GABRG3: variants seen among roughly 807,000 people sequenced by gnomAD.
GABRG3 encodes the protein gamma-aminobutyric acid receptor subunit gamma-3.
GABRG3 carries 25 observed loss-of-function variants against 48.8 expected under a neutral mutation model. The observed-to-expected ratio is 0.51, with a 90% confidence interval of 0.37 to 0.72. The LOEUF is 0.72. GABRG3 is among the 30% of genes least tolerant of loss of function. The probability of loss-of-function intolerance (pLI) is 0.00; values close to 1 mark genes in which losing one functional copy is unlikely to be tolerated. For synonymous variants in GABRG3, 227 were observed against 217.6 expected, an observed-to-expected ratio of 1.04 and a Z score of -0.38; for missense variants, 394 against 577.9, an observed-to-expected ratio of 0.68 and a Z score of 3.26.
At chr15:27,233,125 G>C (rs1889851050) in intron 3 of GABRG3, among the ~76,000 whole-genome samples, 1 of 152,108 alleles carries the variant, frequency 6.6e-6, no homozygotes, top group Non-Finnish European at 1.5e-5. Context: ...CCAGAGGCTT[G>C]GTCATGTGAG....
chr15:27,424,051 C>T (rs1470556111), intron 5 of GABRG3, among the ~76,000 whole-genome samples: 1 of 151,938 alleles, frequency 6.6e-6, no homozygotes, highest in African/African-American at 2.4e-5. Context: ...TTAACTTTGC[C>T]CAAAGAAAGG....
chr15:26,987,210 A>C (rs991195457), intron 2 of GABRG3, among the ~76,000 whole-genome samples: 20 of 151,602 alleles, frequency 1.3e-4, no homozygotes, highest in African/African-American at 4.6e-4. Context: ...GTGAGCCGAG[A>C]TCACACCATA....
chr15:27,314,160 G>C (rs533921010), intron 3 of GABRG3, among the ~76,000 whole-genome samples: 1 of 152,130 alleles, frequency 6.6e-6, no homozygotes, highest in South Asian at 2.1e-4. Context: ...GCACAACAAA[G>C]GAAATGATCA....
intron 3 of GABRG3, among the ~76,000 whole-genome samples, chr15:27,216,711 A>G (rs1595591665): frequency 6.8e-6 from 1 of 147,526 alleles, no homozygotes; most frequent in Admixed American, 6.7e-5. Context: ...TAAACTTGCC[A>G]TTACTTCTGA....
At chr15:27,515,857 T>C (rs985781844) in intron 6 of GABRG3, among the ~76,000 whole-genome samples, 2 of 152,328 alleles carry the variant, frequency 1.3e-5, no homozygotes, top group Non-Finnish European at 2.9e-5. Flanking sequence ...TTAAATGGGA[T>C]GATAAATTCA....
At chr15:27,182,772 G>A (rs1887972647) in intron 3 of GABRG3, among the ~76,000 whole-genome samples, 1 of 152,154 alleles carries the variant, frequency 6.6e-6, no homozygotes, top group Non-Finnish European at 1.5e-5. Flanking sequence ...GAATTGAAAG[G>A]GCTTCTGCTC....
At chr15:27,087,077 C>T (rs760711004) in intron 3 of GABRG3, among the ~76,000 whole-genome samples, 12 of 152,342 alleles carry the variant, frequency 7.9e-5, no homozygotes, top group Admixed American at 4.6e-4. Context: ...GGCCAGCCCC[C>T]GTGCTTGGCT....
intron 3 of GABRG3, among the ~76,000 whole-genome samples, chr15:27,113,535 C>T (rs1595532234): frequency 6.6e-6 from 1 of 152,234 alleles, no homozygotes; most frequent in East Asian, 1.9e-4. Context: ...TCAGGGCTTT[C>T]ATGCCTATAG....
intron 5 of GABRG3, among the ~76,000 whole-genome samples, chr15:27,354,092 C>T (rs912973446): frequency 6.6e-6 from 1 of 152,148 alleles, no homozygotes; most frequent in African/African-American, 2.4e-5. Context: ...AGGCCTGTAC[C>T]GACTAAGAAG....
intron 3 of GABRG3, among the ~76,000 whole-genome samples, chr15:27,172,983 C>G (rs1202720149): frequency 6.6e-6 from 1 of 152,134 alleles, no homozygotes; most frequent in Admixed American, 6.5e-5. Flanking sequence ...AGGCCGCCAG[C>G]AGCAATTTGT....
At chr15:27,456,605 G>A (rs972114932) in intron 5 of GABRG3, among the ~76,000 whole-genome samples, 5 of 152,146 alleles carry the variant, frequency 3.3e-5, no homozygotes, top group Admixed American at 1.3e-4. Context: ...CCCCTCCCAC[G>A]GACAAAGGAA....
intron 5 of GABRG3, among the ~76,000 whole-genome samples, chr15:27,438,442 A>C (rs1462591795): frequency 6.6e-6 from 1 of 152,236 alleles, no homozygotes; most frequent in Non-Finnish European, 1.5e-5. Context: ...TCTAATGGTA[A>C]TACATAGGCT....
intron 3 of GABRG3, among the ~76,000 whole-genome samples, chr15:27,107,037 T>C (rs1320207113): frequency 6.6e-6 from 1 of 152,064 alleles, no homozygotes; most frequent in African/African-American, 2.4e-5. Context: ...TAGCTAGGCT[T>C]TCCAGTAAGA....
intron 6 of GABRG3, among the ~76,000 whole-genome samples, chr15:27,489,757 G>T (rs1242179862): frequency 6.6e-6 from 1 of 152,132 alleles, no homozygotes; most frequent in East Asian, 1.9e-4. Flanking sequence ...GTTCTTTGTA[G>T]ATTCTGGATA....
At chr15:27,223,543 C>CAA (rs11416611) in intron 3 of GABRG3, among the ~76,000 whole-genome samples, 12 of 151,578 alleles carry the variant, frequency 7.9e-5, no homozygotes, top group South Asian at 4.2e-4. Flanking sequence ...AAAGGCATTA[C>CAA]AAAAAAAATG....
At chr15:27,304,765 G>C (rs1892336543) in intron 3 of GABRG3, among the ~76,000 whole-genome samples, 1 of 151,878 alleles carries the variant, frequency 6.6e-6, no homozygotes, top group African/African-American at 2.4e-5. Flanking sequence ...GATATCCAAA[G>C]TACTATTTGC....
chr15:27,421,491 G>A (rs775610556), intron 5 of GABRG3, among the ~76,000 whole-genome samples: 9 of 152,092 alleles, frequency 5.9e-5, no homozygotes, highest in Non-Finnish European at 1.3e-4. Flanking sequence ...GTCCATGGGA[G>A]TGGGCTATAA....
At position 26,971,576 on chromosome 15, in the gene GABRG3, G is replaced by T. The variant is rs1413430878; in HGVS notation, c.41G>T (p.Gly14Val). The T allele has an allele frequency of 6.5e-7, 1 of 1,529,528 alleles. No individual in the cohort carries two copies. The allele number at this position is 1,529,528 out of a possible 1,614,324, so 94.7% of individuals were successfully genotyped here. The stretch of plus-strand genomic sequence containing the variant: ...CTGCTCCTCCTCTGCCTGTTCTCGG[G>T]CTTGCACGCGCGGTAAGTGGCGCGG... ...KLLLLLCLFSGLHARSRKVEE... is the reference protein window; with the variant it reads ...KLLLLLCLFSVLHARSRKVEE... The change falls in exon 1 of 10, where the codon GGC becomes GTC. Residue 14 changes from glycine (G) to valine (V), a missense_variant. Physicochemically the swap from Gly to Val is moderately radical, Grantham distance 109. Transcript: ENST00000615808.
chr15:27,038,460 C>T (rs1015418418), intron 3 of GABRG3, among the ~76,000 whole-genome samples: 2 of 152,114 alleles, frequency 1.3e-5, no homozygotes, highest in African/African-American at 4.8e-5. Context: ...AGTTTCTTGC[C>T]TCTCCTGTCC....
Sources: gnomAD v4.1 joint callset for allele counts (sites outside exome capture counted in the v4.1 genomes callset) on GRCh38, gnomAD v4.1.1 for gene constraint, MANE v1.5 for transcripts, NCBI Gene and HGNC (gene_info 2026-07-23, HGNC 2026-07-21) for gene names.